Variants in TM9SF2 observed in about 807,000 individuals in gnomAD.
The protein encoded by TM9SF2 is 76 kDa membrane protein.
Under a neutral mutation model 84.9 loss-of-function variants are expected in TM9SF2, and 13 were observed. That is an observed-to-expected ratio of 0.15 (90% CI 0.10 to 0.24). The LOEUF is 0.24. Ranked by LOEUF, TM9SF2 falls within the 10% of genes least tolerant of loss-of-function variation. The probability of loss-of-function intolerance (pLI) is 1.00; values close to 1 mark genes in which losing one functional copy is unlikely to be tolerated. For missense variants in TM9SF2, 562 were observed against 818.5 expected (o/e 0.69, Z 3.82); for synonymous variants, 273 against 285.8 (o/e 0.96, Z 0.45).
intron 12 of TM9SF2, among the ~76,000 whole-genome samples, 186 bp from the exon 13 acceptor site, chr13:99,551,981 C>CA (rs773294394): frequency 1.9e-4 from 29 of 152,336 alleles, no homozygotes; most frequent in South Asian, 6.2e-4. Context: ...TTAACTCAGG[C>CA]AAACCCAATC....
chr13:99,539,538 C>T lies in TM9SF2; in HGVS notation c.809C>T (p.Thr270Ile), dbSNP rs759107038. Residue 270 changes from threonine to isoleucine, a missense_variant, in exon 7 of 17, where the codon ACT becomes ATT. Thr to Ile is a moderately conservative substitution (Grantham distance 89). Around this residue, in one of 4 missense-constraint regions of TM9SF2, gnomAD observed 219 missense variants for 338.1 expected, o/e 0.65. Coordinates refer to ENST00000376387, the MANE Select transcript of TM9SF2 (RefSeq NM_004800.3). The stretch of plus-strand genomic sequence containing the variant: ...TCTGGGGAGATAAAAATTGCCTATA[C>T]TTACTCTGTTAGCTTCGAGGTGAGT... ...KASGEIKIAY[T>I]YSVSFEEDDK... The T allele has an allele frequency of 6.2e-7, 1 of 1,609,718 alleles. No individual in the cohort carries two copies. The highest frequency in any genetic ancestry group is 8.5e-7 in the Non-Finnish European group (1 of 1,176,022).
chr13:99,520,029 C>A lies in TM9SF2; in HGVS notation c.240-7C>A. 6.2e-7 allele frequency: 1 copy of A among 1,611,076 alleles called. No individual in the cohort carries two copies. Among genetic ancestry groups the A allele is most frequent in the Admixed American group, 1.7e-5 (1 of 59,314 alleles). ...TATGTGTAAAAATTTAAATATTCTT[C>A]TCCCAGGTTTGATTTTTGCCAAGCA... On this transcript the variant is annotated splice_polypyrimidine_tract_variant and splice_region_variant and intron_variant, in intron 2 of 16. Coordinates refer to ENST00000376387, the MANE Select transcript of TM9SF2 (RefSeq NM_004800.3).
At chr13:99,535,235 G>A (rs936483700) in intron 4 of TM9SF2, among the ~76,000 whole-genome samples, 1 of 152,022 alleles carries the variant, frequency 6.6e-6, no homozygotes, top group Non-Finnish European at 1.5e-5. Context: ...ACCAGAAAAA[G>A]CTATTGTGTC....
At chr13:99,514,567 A>T (rs1298856122) in intron 1 of TM9SF2, among the ~76,000 whole-genome samples, 5 of 152,304 alleles carry the variant, frequency 3.3e-5, no homozygotes, top group East Asian at 1.9e-4. Flanking sequence ...AAAATCCCCT[A>T]ATAACACGTT....
chr13:99,555,843 T>C (rs1467888258), intron 15 of TM9SF2, among the ~76,000 whole-genome samples, 196 bp downstream of exon 15: 1 of 152,234 alleles, frequency 6.6e-6, no homozygotes, highest in African/African-American at 2.4e-5. Context: ...TGGAAATTAC[T>C]ATTAGAGACT....
At chr13:99,539,945 T>C (rs571982082) in intron 7 of TM9SF2, among the ~76,000 whole-genome samples, 1 of 152,360 alleles carries the variant, frequency 6.6e-6, no homozygotes, top group African/African-American at 2.4e-5. Context: ...GTAGATTGTC[T>C]TAGAAAATTG....
At chr13:99,521,562 C>G (rs1594049010) in intron 3 of TM9SF2, among the ~76,000 whole-genome samples, 1 of 152,200 alleles carries the variant, frequency 6.6e-6, no homozygotes. Context: ...AGCCTAGATT[C>G]ATCTCACCAA....
chr13:99,530,608 C>T (rs1423007349), intron 4 of TM9SF2, among the ~76,000 whole-genome samples: 1 of 152,140 alleles, frequency 6.6e-6, no homozygotes, highest in Non-Finnish European at 1.5e-5. Context: ...CTGGGTCAGT[C>T]TTCTAGTGAA....
Position 99,510,180 on chromosome 13 carries a change from A to T in TM9SF2, c.172-7434A>T, listed in dbSNP as rs56075215. 3.5e-3 allele frequency among the ~76,000 whole-genome samples: 540 copies of T among 152,314 alleles called. 3 individuals are homozygous for T. Among genetic ancestry groups the T allele is most frequent in the Non-Finnish European group, 6.2e-3 (423 of 68,030 alleles). ...CCTTCTCATTTCCATCTCAGACCTC[A>T]GCAGCCTGACTTTACTGTCCATATC... On this transcript the variant is annotated intron_variant, in intron 1 of 16. Coordinates refer to ENST00000376387, the MANE Select transcript of TM9SF2 (RefSeq NM_004800.3).
chr13:99,527,566 A>C (rs1351833869), intron 3 of TM9SF2, among the ~76,000 whole-genome samples: 2 of 152,178 alleles, frequency 1.3e-5, no homozygotes, highest in African/African-American at 4.8e-5. Flanking sequence ...TGGGGATTAC[A>C]ATTCAGATCA....
At chr13:99,505,934 A>G (rs917862491) in intron 1 of TM9SF2, among the ~76,000 whole-genome samples, 1 of 152,230 alleles carries the variant, frequency 6.6e-6, no homozygotes, top group African/African-American at 2.4e-5. Context: ...TTACTGTTTG[A>G]TGGATAGATC....
chr13:99,531,019 C>T (rs1304585369), intron 4 of TM9SF2, among the ~76,000 whole-genome samples: 1 of 151,974 alleles, frequency 6.6e-6, no homozygotes, highest in Non-Finnish European at 1.5e-5. Flanking sequence ...CGCCACCACA[C>T]CTGGCTAATT....
rs7987474 is a variant in TM9SF2 at position 99,546,216 on chromosome 13, G to C, written c.1151-769G>C. Among the ~76,000 whole-genome samples, 1,361 of 152,252 alleles carry C rather than the reference G, an allele frequency of 8.9e-3. 30 individuals carry two copies. Among genetic ancestry groups the C allele is most frequent in the African/African-American group, 0.031 (1,289 of 41,544 alleles). On this transcript the variant is annotated intron_variant, in intron 10 of 16. Transcript: ENST00000376387. ...TGCACGTTTTAGGGGAAACAATAGG[G>C]GGGGAAACAATGGGGATTTTCTTGC...
intron 3 of TM9SF2, among the ~76,000 whole-genome samples, chr13:99,526,208 T>A (rs2046182795): frequency 1.3e-5 from 2 of 152,192 alleles, no homozygotes; most frequent in Non-Finnish European, 2.9e-5. Flanking sequence ...GTGGAGCGGC[T>A]GCTAGGCTGC....
At chr13:99,520,526 T>A (rs2046154871) in intron 3 of TM9SF2, among the ~76,000 whole-genome samples, 1 of 152,184 alleles carries the variant, frequency 6.6e-6, no homozygotes, top group Non-Finnish European at 1.5e-5. Context: ...CGTTAGCACG[T>A]ACAATGCTGC....
intron 4 of TM9SF2, among the ~76,000 whole-genome samples, chr13:99,533,668 GT>G (rs1314500514): frequency 6.6e-6 from 1 of 151,882 alleles, no homozygotes; most frequent in Non-Finnish European, 1.5e-5. Context: ...TTTATTTGTT[GT>G]TGTTGTTGAG....
intron 3 of TM9SF2, among the ~76,000 whole-genome samples, chr13:99,522,355 TA>T (rs2046164541): frequency 6.6e-6 from 1 of 152,134 alleles, no homozygotes; most frequent in Non-Finnish European, 1.5e-5. Flanking sequence ...TTGTCTACCC[TA>T]AAATTGCCAG....
intron 4 of TM9SF2, among the ~76,000 whole-genome samples, chr13:99,536,346 G>A (rs1002692145): frequency 2.1e-5 from 3 of 145,466 alleles, no homozygotes; most frequent in African/African-American, 5.1e-5. Flanking sequence ...AAGCAGTGCT[G>A]TACCTGGTTG....
At chr13:99,521,010 G>A (rs770713994) in intron 3 of TM9SF2, among the ~76,000 whole-genome samples, 2 of 152,052 alleles carry the variant, frequency 1.3e-5, no homozygotes, top group Non-Finnish European at 2.9e-5. Flanking sequence ...CTTTAAATCT[G>A]TTATCTTTTA....
Sources: allele counts gnomAD v4.1 joint callset (sites outside exome capture counted in the v4.1 genomes callset), GRCh38; gene constraint gnomAD v4.1.1; regional missense constraint gnomAD v4.1.1; transcripts MANE v1.5; gene names NCBI Gene and HGNC (gene_info 2026-07-23, HGNC 2026-07-21).